Variants in GRID1 observed in about 807,000 individuals in gnomAD.
The protein encoded by GRID1 is glutamate ionotropic receptor delta type subunit 1.
Under a neutral mutation model 98.0 loss-of-function variants are expected in GRID1, and 28 were observed. The ratio of observed to expected loss-of-function variants is 0.29; its 90% confidence interval spans 0.21 to 0.39. GRID1 has a LOEUF of 0.39. GRID1 is among the 10% of genes least tolerant of loss of function. GRID1 has a pLI of 1.00. For missense variants in GRID1, 1,111 were observed against 1,340.5 expected (o/e 0.83, Z 2.67); for synonymous variants, 553 against 538.5 (o/e 1.03, Z -0.37).
chr10:86,030,649 C>T (rs1230381779), intron 4 of GRID1, among the ~76,000 whole-genome samples: 1 of 152,198 alleles, frequency 6.6e-6, no homozygotes, highest in East Asian at 1.9e-4. Flanking sequence ...TCATCCAACA[C>T]TCCCTAACAG....
At chr10:86,151,357 G>C (rs1845166263) in intron 3 of GRID1, among the ~76,000 whole-genome samples, 1 of 152,026 alleles carries the variant, frequency 6.6e-6, no homozygotes, top group Non-Finnish European at 1.5e-5. Context: ...GCTCAGAACA[G>C]AGCTGGGATC....
chr10:86,168,623 AC>A (rs950450910), intron 3 of GRID1, among the ~76,000 whole-genome samples: 3 of 152,124 alleles, frequency 2.0e-5, no homozygotes, highest in African/African-American at 7.2e-5. Context: ...TTCTTCACAC[AC>A]CCCAGCCCTG....
chr10:85,899,365 C>T (rs936280400), intron 5 of GRID1, among the ~76,000 whole-genome samples: 1 of 152,194 alleles, frequency 6.6e-6, no homozygotes, highest in South Asian at 2.1e-4. Flanking sequence ...AATAGCGCTG[C>T]AATCCACATG....
chr10:85,951,384 C>T (rs1240054355), intron 4 of GRID1, among the ~76,000 whole-genome samples: 1 of 151,934 alleles, frequency 6.6e-6, no homozygotes, highest in Non-Finnish European at 1.5e-5. Flanking sequence ...TAAGTGTGCT[C>T]ACATGTTATA....
At chr10:86,266,842 G>C (rs1847111733) in intron 2 of GRID1, among the ~76,000 whole-genome samples, 1 of 152,158 alleles carries the variant, frequency 6.6e-6, no homozygotes, top group Non-Finnish European at 1.5e-5. Flanking sequence ...CTTCCTGCCG[G>C]GCTATAGGAT....
Position 86,152,573 on chromosome 10 carries a change from A to G in GRID1, c.521-13549T>C, listed in dbSNP as rs554003773. On this transcript the variant is annotated intron_variant, in intron 3 of 15. Transcript: ENST00000327946. ...CAGGGCTGTGGCTCCCCTGTGGGAG[A>G]AAGAGCCTGGGCTTTGGGGCCTGCC... is the stretch of plus-strand genomic sequence containing the variant. Among the ~76,000 whole-genome samples the G allele has an allele frequency of 1.6e-3, 242 of 152,326 alleles. 2 individuals carry two copies. Among genetic ancestry groups the G allele is most frequent in the South Asian group, 8.3e-4 (4 of 4,824 alleles).
chr10:85,771,667 G>A (rs1402005826), intron 8 of GRID1, among the ~76,000 whole-genome samples: 1 of 152,202 alleles, frequency 6.6e-6, no homozygotes, highest in Non-Finnish European at 1.5e-5. Context: ...GGCAGGGGTT[G>A]CAATCCTAGT....
intron 12 of GRID1, among the ~76,000 whole-genome samples, chr10:85,661,505 C>G (rs966859057): frequency 6.6e-6 from 1 of 152,194 alleles, no homozygotes; most frequent in Non-Finnish European, 1.5e-5. Context: ...GAGGATCTCA[C>G]AGAGAACAGA....
At chr10:85,647,151 AC>A (rs1843204752) in intron 13 of GRID1, 50 bp downstream of exon 13, 1 of 1,476,308 alleles carries the variant, frequency 6.8e-7, no homozygotes, top group Middle Eastern at 2.0e-4. Context: ...GGGGCTGACC[AC>A]CCCGTGGCCC....
intron 4 of GRID1, among the ~76,000 whole-genome samples, chr10:85,925,487 C>T (rs1459069796): frequency 6.6e-6 from 1 of 152,238 alleles, no homozygotes. Context: ...GGGCAGGGGA[C>T]ACGGCCCTGG....
intron 8 of GRID1, among the ~76,000 whole-genome samples, chr10:85,748,695 G>A (rs916917023): frequency 2.0e-5 from 3 of 151,902 alleles, no homozygotes; most frequent in Admixed American, 6.6e-5. Context: ...TGCTCTAATC[G>A]CTTTGAAATT....
chr10:85,950,538 A>AC (rs2131843310), intron 4 of GRID1, among the ~76,000 whole-genome samples: 1 of 152,344 alleles, frequency 6.6e-6, no homozygotes, highest in Admixed American at 6.5e-5. Flanking sequence ...GCCTGACCAG[A>AC]CTGTGATCAA....
chr10:86,008,208 C>A (rs1338628819), intron 4 of GRID1, among the ~76,000 whole-genome samples: 1 of 152,086 alleles, frequency 6.6e-6, no homozygotes, highest in Admixed American at 6.6e-5. Flanking sequence ...TGAGCAGGGC[C>A]TTAGGAAAGA....
intron 4 of GRID1, among the ~76,000 whole-genome samples, chr10:86,079,185 C>T (rs1035211221): frequency 4.6e-5 from 7 of 152,240 alleles, no homozygotes; most frequent in African/African-American, 1.7e-4. Flanking sequence ...CCATTAGCAG[C>T]TCAACAGCAC....
intron 12 of GRID1, among the ~76,000 whole-genome samples, chr10:85,705,347 A>T (rs1293536301): frequency 6.6e-6 from 1 of 152,202 alleles, no homozygotes; most frequent in Non-Finnish European, 1.5e-5. Flanking sequence ...CAAATAAACT[A>T]GAAAATCTGG....
intron 4 of GRID1, among the ~76,000 whole-genome samples, chr10:86,039,610 T>C (rs764986900): frequency 2.0e-5 from 3 of 152,202 alleles, no homozygotes; most frequent in Non-Finnish European, 4.4e-5. Flanking sequence ...CTAACTCTAG[T>C]GGTGGCCAGC....
At chr10:85,947,031 C>T (rs1346942434) in intron 4 of GRID1, among the ~76,000 whole-genome samples, 3 of 152,154 alleles carry the variant, frequency 2.0e-5, no homozygotes, top group Admixed American at 6.5e-5. Flanking sequence ...TGACAATGAA[C>T]CAGGGCAGTC....
rs1848683889 is a variant in GRID1, at chr10:86,366,508, C to G, written c.-116G>C. 9.6e-6 allele frequency: 5 copies of G among 519,496 alleles called. No homozygotes were observed. Among genetic ancestry groups the G allele is most frequent in the African/African-American group, 2.0e-5 (1 of 48,974 alleles). The allele number at this position is 519,496 out of a possible 1,614,324, so 32.2% of individuals were successfully genotyped here. On this transcript the variant is annotated 5_prime_UTR_variant, in exon 1 of 16. Transcript: ENST00000327946. This position sits in a 1 kb window ranked among gnomAD's most constrained non-coding sequence, Gnocchi z 4.1. The stretch of plus-strand genomic sequence containing the variant: ...GGCCGCTCCCCGGGAGAGCCGAGCC[C>G]GCCCGTGCGTCTTCCCCCGCGCGCC...
At chr10:85,722,948 C>T in intron 12 of GRID1, 55 bp downstream of exon 12, 1 of 1,517,118 alleles carries the variant, frequency 6.6e-7, no homozygotes, top group South Asian at 1.3e-5. Context: ...AGGTTTACAT[C>T]CTCTTTAAAG....
Sources: gnomAD v4.1 joint callset for allele counts (sites outside exome capture counted in the v4.1 genomes callset) on GRCh38, gnomAD v4.1.1 for gene constraint, Gnocchi (gnomAD v3.1) non-coding constraint, MANE v1.5 for transcripts, NCBI Gene and HGNC (gene_info 2026-07-23, HGNC 2026-07-21) for gene names.